The following KCNAB1 variants were observed in gnomAD, a reference collection of about 807,000 sequenced individuals.
KCNAB1 encodes the protein potassium voltage-gated channel subfamily A regulatory beta subunit 1.
A neutral mutation model predicts 64.6 loss-of-function variants in KCNAB1; 35 were observed. The ratio of observed to expected loss-of-function variants is 0.54; its 90% CI spans 0.41 to 0.72. The LOEUF is 0.72. KCNAB1 is among the 30% of genes least tolerant of loss of function. KCNAB1 has a pLI of 0.00. For synonymous variants in KCNAB1, 177 were observed against 183.8 expected (o/e 0.96, Z 0.30); for missense variants, 401 against 512.9 (o/e 0.78, Z 2.11).
At chr3:156,477,621 C>T (rs1714467036) in intron 8 of KCNAB1, among the ~76,000 whole-genome samples, 1 of 152,120 alleles carries the variant, frequency 6.6e-6, no homozygotes, top group Non-Finnish European at 1.5e-5. Flanking sequence ...CTTTTCCTAG[C>T]TTTCAGAAAA....
At chr3:156,242,132 C>A (rs143826285) in intron 1 of KCNAB1, among the ~76,000 whole-genome samples, 1 of 152,148 alleles carries the variant, frequency 6.6e-6, no homozygotes, top group Non-Finnish European at 1.5e-5. Flanking sequence ...TGATTTTTGT[C>A]CATTGTGCAG....
chr3:156,202,139 A>T (rs1560134228), intron 1 of KCNAB1, among the ~76,000 whole-genome samples: 1 of 152,100 alleles, frequency 6.6e-6, no homozygotes, highest in African/African-American at 2.4e-5. Context: ...TCTGCTACAG[A>T]TGCTTCCACA....
chr3:156,516,476 T>C, intron 11 of KCNAB1, 112 bp downstream of exon 11: 1 of 792,164 alleles, frequency 1.3e-6, no homozygotes, highest in South Asian at 1.5e-5. Flanking sequence ...GACTGTGTTG[T>C]CCAGGCCAGT....
At chr3:156,383,897 C>G (rs1310822215) in intron 1 of KCNAB1, among the ~76,000 whole-genome samples, 1 of 152,176 alleles carries the variant, frequency 6.6e-6, no homozygotes, top group Non-Finnish European at 1.5e-5. Context: ...ATCCAGGTTT[C>G]CAGACGCTGG....
intron 1 of KCNAB1, among the ~76,000 whole-genome samples, chr3:156,171,916 A>G (rs1712019917): frequency 6.6e-6 from 1 of 152,226 alleles, no homozygotes; most frequent in Admixed American, 6.5e-5. Flanking sequence ...AATCTGACCA[A>G]GTGATTTCTG....
intron 1 of KCNAB1, among the ~76,000 whole-genome samples, chr3:156,330,157 A>C (rs1723238026): frequency 1.3e-5 from 2 of 152,174 alleles, no homozygotes; most frequent in African/African-American, 2.4e-5. Context: ...GTGGGGAGAA[A>C]CAATGAAAAG....
chr3:156,176,840 C>G, intron 1 of KCNAB1: 1 of 1,008,936 alleles, frequency 9.9e-7, no homozygotes, highest in East Asian at 2.4e-5. Flanking sequence ...CTCCCAACAG[C>G]AACTCATGCC....
At chr3:156,495,437 C>A (rs1375831051) in intron 8 of KCNAB1, among the ~76,000 whole-genome samples, 1 of 152,154 alleles carries the variant, frequency 6.6e-6, no homozygotes, top group Non-Finnish European at 1.5e-5. Flanking sequence ...CATGTATGTT[C>A]ACTGCAGCAC....
At chr3:156,437,504 T>A (rs1716664550) in intron 2 of KCNAB1, among the ~76,000 whole-genome samples, 1 of 152,126 alleles carries the variant, frequency 6.6e-6, no homozygotes, top group Non-Finnish European at 1.5e-5. Context: ...ATGGCACCAG[T>A]GGGAGAAATT....
intron 1 of KCNAB1, among the ~76,000 whole-genome samples, chr3:156,261,182 G>A (rs201777356): frequency 5.9e-5 from 9 of 151,674 alleles, no homozygotes; most frequent in African/African-American, 1.9e-4. Flanking sequence ...ACTATGGCTT[G>A]TCTTTTCATT....
chr3:156,421,195 T>A (rs1053841945), intron 1 of KCNAB1, among the ~76,000 whole-genome samples: 11 of 152,218 alleles, frequency 7.2e-5, no homozygotes, highest in African/African-American at 2.4e-4. Context: ...AACTGTTCTG[T>A]GACCTAAGTC....
At chr3:156,156,185 G>A (rs149103386) in intron 1 of KCNAB1, among the ~76,000 whole-genome samples, 2,633 of 152,280 alleles carry the variant, frequency 0.017, 47 homozygotes, top group South Asian at 0.031. Flanking sequence ...ATTGGGTAGG[G>A]CATTCCAAGG....
At chr3:156,195,152 A>G (rs560783550) in intron 1 of KCNAB1, among the ~76,000 whole-genome samples, 2 of 152,322 alleles carry the variant, frequency 1.3e-5, no homozygotes, top group South Asian at 2.1e-4. Context: ...TCCATGGTGT[A>G]TATGTGCCAC....
At chr3:156,472,321 C>A (rs1333316562) in intron 7 of KCNAB1, among the ~76,000 whole-genome samples, 1 of 152,178 alleles carries the variant, frequency 6.6e-6, no homozygotes, top group Non-Finnish European at 1.5e-5. Flanking sequence ...GTGGCTGTGC[C>A]TGCCTTCACT....
chr3:156,401,651 C>T (rs1713898410), intron 1 of KCNAB1, among the ~76,000 whole-genome samples: 1 of 152,210 alleles, frequency 6.6e-6, no homozygotes, highest in South Asian at 2.1e-4. Context: ...TGGTTCGCTG[C>T]ACCAACGCTA....
At chr3:156,140,881 A>G (rs1039413722) in intron 1 of KCNAB1, among the ~76,000 whole-genome samples, 1 of 152,016 alleles carries the variant, frequency 6.6e-6, no homozygotes, top group African/African-American at 2.4e-5. Context: ...GCTTTAAGGG[A>G]GCATGTGCGC....
chr3:156,509,375 G>GTGCTGC (rs67594426), intron 8 of KCNAB1, among the ~76,000 whole-genome samples: 57 of 151,058 alleles, frequency 3.8e-4, no homozygotes, highest in Middle Eastern at 6.8e-3. Context: ...AAGTTTCCAG[G>GTGCTGC]TGCTGCTGCT....
chr3:156,481,177 G>A (rs1309515576), intron 8 of KCNAB1, among the ~76,000 whole-genome samples: 1 of 148,818 alleles, frequency 6.7e-6, no homozygotes, highest in African/African-American at 2.4e-5. Flanking sequence ...TAAATGAGCA[G>A]AAATGAATAA....
At chr3:156,163,584 G>A (rs1043301427) in intron 1 of KCNAB1, among the ~76,000 whole-genome samples, 1 of 152,186 alleles carries the variant, frequency 6.6e-6, no homozygotes, top group African/African-American at 2.4e-5. Flanking sequence ...ACATTTTGAT[G>A]TATGCTTTTC....
Sources: allele counts gnomAD v4.1 joint callset (sites outside exome capture counted in the v4.1 genomes callset), GRCh38; gene constraint gnomAD v4.1.1; transcripts MANE v1.5; gene names NCBI Gene and HGNC (gene_info 2026-07-23, HGNC 2026-07-21).